Variants in MTERF4 observed in about 807,000 individuals in gnomAD.
MTERF4 encodes the protein transcription termination factor 4, mitochondrial.
A neutral mutation model predicts 22.5 loss-of-function variants in MTERF4; 17 were observed. That is an observed-to-expected ratio of 0.75 (90% CI 0.52 to 1.13). The LOEUF (loss-of-function observed/expected upper bound fraction) is 1.13. MTERF4 is among the 50% of genes most tolerant of loss of function. MTERF4 has a pLI of 0.00. For synonymous variants in MTERF4, 165 were observed against 175.3 expected (o/e 0.94, Z 0.47); for missense variants, 420 against 466.8 (o/e 0.90, Z 0.92).
At chr2:241,050,861 A>G in the MTERF4 span, among the ~76,000 whole-genome samples, 1 of 151,894 alleles carries the variant, frequency 6.6e-6, no homozygotes, top group African/African-American at 2.4e-5. Flanking sequence ...ACATCTCCTC[A>G]CTAGACCAGA....
chr2:241,076,936 G>A (rs1186343153), intron 4 of MTERF4, among the ~76,000 whole-genome samples: 1 of 152,186 alleles, frequency 6.6e-6, no homozygotes, highest in Non-Finnish European at 1.5e-5. Context: ...AAAATTAGCT[G>A]GGCATGGTGG....
chr2:241,053,280 G>T, the MTERF4 span: 3 of 1,601,612 alleles, frequency 1.9e-6, no homozygotes, highest in Admixed American at 5.0e-5. Context: ...GCCGCATCCG[G>T]GTCTGCCAGC....
chr2:241,058,822 C>G, the MTERF4 span, among the ~76,000 whole-genome samples: 1 of 151,932 alleles, frequency 6.6e-6, no homozygotes, highest in South Asian at 2.1e-4. Flanking sequence ...AGGTGGCGGG[C>G]GCCTGTAGTC....
downstream of MTERF4, among the ~76,000 whole-genome samples, chr2:241,070,448 C>T (rs142724670): frequency 1.3e-5 from 2 of 152,356 alleles, no homozygotes; most frequent in Admixed American, 6.5e-5. Flanking sequence ...CAGTTTGTGC[C>T]GGACCCTCCC....
At chr2:241,048,891 A>T in the MTERF4 span, 1 of 1,173,552 alleles carries the variant, frequency 8.5e-7, no homozygotes, top group South Asian at 1.4e-5. Context: ...CCCACCCAGG[A>T]GGGACTGGCC....
chr2:241,051,097 G>A, the MTERF4 span, among the ~76,000 whole-genome samples: 7 of 152,320 alleles, frequency 4.6e-5, no homozygotes, highest in Admixed American at 1.3e-4. The surrounding 1 kb of genome is among the most constrained non-coding windows in gnomAD (Gnocchi z 4.7). Flanking sequence ...CGAGCACAGT[G>A]GGGCAGGCCC....
At chr2:241,053,279 G>A in the MTERF4 span, 21 of 1,601,222 alleles carry the variant, frequency 1.3e-5, no homozygotes, top group East Asian at 2.2e-5. Flanking sequence ...AGCCGCATCC[G>A]GGTCTGCCAG....
At chr2:241,049,766 C>A in the MTERF4 span, 1 of 1,449,298 alleles carries the variant, frequency 6.9e-7, no homozygotes, top group Non-Finnish European at 9.7e-7. Context: ...TCTTGCCGCC[C>A]GCACAGATGC....
At chr2:241,078,106 C>T (rs58477296) in intron 4 of MTERF4, among the ~76,000 whole-genome samples, 5,554 of 152,152 alleles carry the variant, frequency 0.037, 334 homozygotes, top group African/African-American at 0.12. Flanking sequence ...GAAAAGTGGC[C>T]GGGCGCGGTG....
chr2:241,065,512 A>T, the MTERF4 span: 1 of 1,612,928 alleles, frequency 6.2e-7, no homozygotes, highest in African/African-American at 1.3e-5. Context: ...GGCAGGGCCT[A>T]CAACATCTCC....
downstream of MTERF4, among the ~76,000 whole-genome samples, chr2:241,067,409 G>A (rs1371580516): frequency 1.3e-5 from 2 of 152,220 alleles, no homozygotes; most frequent in Non-Finnish European, 2.9e-5. Context: ...TAGTCAACTG[G>A]CACAGAAAAG....
the MTERF4 span, among the ~76,000 whole-genome samples, chr2:241,056,598 T>TTTTTTTTTTTTTTA: frequency 6.7e-6 from 1 of 149,662 alleles, no homozygotes; most frequent in Non-Finnish European, 1.5e-5. Flanking sequence ...TTTTTTTTTT[T>TTTTTTTTTTTTTTA]GAGACGGAGT....
At chr2:241,065,551 A>C in the MTERF4 span, 1 of 1,612,564 alleles carries the variant, frequency 6.2e-7, no homozygotes, top group Non-Finnish European at 8.5e-7. Context: ...AACAGTAACA[A>C]CAAGAATGAC....
At chr2:241,098,112 T>TA (rs2064539067) in intron 2 of MTERF4, among the ~76,000 whole-genome samples, 1 of 152,232 alleles carries the variant, frequency 6.6e-6, no homozygotes, top group Admixed American at 6.5e-5. Flanking sequence ...ATGGGAAACT[T>TA]AAAGTCAACT....
intron 2 of MTERF4, 41 bp from the exon 3 acceptor site, chr2:241,097,468 T>A: frequency 1.9e-6 from 3 of 1,577,870 alleles, no homozygotes; most frequent in Non-Finnish European, 2.6e-6. Flanking sequence ...AATTTCAGGA[T>A]ACTCCAGAAA....
At chr2:241,062,376 T>G in the MTERF4 span, among the ~76,000 whole-genome samples, 7 of 152,238 alleles carry the variant, frequency 4.6e-5, no homozygotes, top group African/African-American at 1.7e-4. Flanking sequence ...AACTCCCGCT[T>G]GAAAAGAAAG....
chr2:241,081,359 C>T lies in MTERF4; in HGVS notation n.480-5677G>A, dbSNP rs1023381853. Among the ~76,000 whole-genome samples the T allele has an allele frequency of 5.3e-5, 8 of 152,176 alleles. No individual in the cohort carries two copies. In the East Asian group the frequency reaches 1.2e-3, roughly 22 times the overall value. On this transcript the variant is annotated intron_variant and non_coding_transcript_variant, in intron 4 of 4. Transcript: ENST00000464344. Reference sequence around the variant, plus strand: ...GAGGGGCCACAGGCCAGTGGGGGCTCAGCACTGAAGGCCCCGCTCCTCCCT... The same window carrying T: ...GAGGGGCCACAGGCCAGTGGGGGCTTAGCACTGAAGGCCCCGCTCCTCCCT...
At chr2:241,088,132 A>C, downstream of MTERF4, 1 of 536,026 alleles carries the variant, frequency 1.9e-6, no homozygotes, top group Non-Finnish European at 3.3e-6. Context: ...TCTGACTCAC[A>C]GCCAGCCAGG....
the MTERF4 span, chr2:241,062,836 G>A: frequency 1.2e-6 from 2 of 1,612,002 alleles, no homozygotes; most frequent in African/African-American, 2.7e-5. Flanking sequence ...GGGGGCTCTT[G>A]TCAGGACCGC....
Sources: gnomAD v4.1 joint callset for allele counts (sites outside exome capture counted in the v4.1 genomes callset) on GRCh38, gnomAD v4.1.1 for gene constraint, Gnocchi (gnomAD v3.1) non-coding constraint, MANE v1.5 for transcripts, NCBI Gene and HGNC (gene_info 2026-07-23, HGNC 2026-07-21) for gene names.